USP9X: variants seen among roughly 807,000 people sequenced by gnomAD.
The protein encoded by USP9X is ubiquitin carboxyl-terminal hydrolase 9X.
Under a neutral mutation model 190.3 loss-of-function variants are expected in USP9X, and 7 were observed. The ratio of observed to expected loss-of-function variants is 0.04; its 90% CI spans 0.02 to 0.07. The LOEUF is 0.07. Among genes scored for constraint, USP9X ranks in the 10% least tolerant of loss-of-function variants. The pLI is 1.00. For synonymous variants in USP9X, 645 were observed against 659.5 expected (o/e 0.98, Z 0.34); for missense variants, 1,010 against 1,916.9 (o/e 0.53, Z 8.83).
chrX:41,087,343 C>G (rs949428949), intron 1 of USP9X, among the ~76,000 whole-genome samples: 3 of 111,963 alleles, frequency 2.7e-5, no homozygotes, highest in Admixed American at 9.4e-5. Flanking sequence ...TTAACCCTCT[C>G]GGAGCTGATT....
intron 29 of USP9X, among the ~76,000 whole-genome samples, chrX:41,197,773 G>A (rs184675407): frequency 9.0e-6 from 1 of 110,974 alleles, no homozygotes; most frequent in Non-Finnish European, 1.9e-5. Flanking sequence ...TACTTTGGGA[G>A]GCCGAGTCCA....
At chrX:41,187,441 A>G (rs113897150) in intron 24 of USP9X, among the ~76,000 whole-genome samples, 14,892 of 111,837 alleles carry the variant, frequency 0.13, 899 homozygotes, top group East Asian at 0.22. Flanking sequence ...TTGTTTATCC[A>G]TATACTTGGT....
intron 21 of USP9X, among the ~76,000 whole-genome samples, chrX:41,173,761 A>G: frequency 8.9e-6 from 1 of 112,036 alleles, no homozygotes; most frequent in Middle Eastern, 4.6e-3. Flanking sequence ...GTGGATTGAA[A>G]ATGTTTGGGG....
At chrX:41,214,284 C>G (rs542776918) in intron 33 of USP9X, among the ~76,000 whole-genome samples, 23 of 111,886 alleles carry the variant, frequency 2.1e-4, no homozygotes, top group African/African-American at 6.5e-4. Flanking sequence ...CAGACAGATT[C>G]AACTTTAAAA....
intron 26 of USP9X, among the ~76,000 whole-genome samples, chrX:41,191,936 T>C (rs1314056848): frequency 9.0e-6 from 1 of 111,510 alleles, no homozygotes; most frequent in East Asian, 2.8e-4. Flanking sequence ...GCTCTCTCTC[T>C]CCCTTTCTCA....
intron 1 of USP9X, among the ~76,000 whole-genome samples, chrX:41,099,159 G>T (rs1424717178): frequency 1.2e-5 from 1 of 85,723 alleles, no homozygotes; most frequent in Non-Finnish European, 2.2e-5. Context: ...GCTCAGGCTG[G>T]TCTCGAGCTC....
At chrX:41,122,987 G>A (rs894507747) in intron 1 of USP9X, among the ~76,000 whole-genome samples, 4 of 110,942 alleles carry the variant, frequency 3.6e-5, no homozygotes, top group African/African-American at 6.6e-5. Flanking sequence ...GGGGCTTGGG[G>A]TTTATATGGG....
rs1302825477 is a variant in USP9X at position 41,141,186 on chromosome X, T to C, written c.991T>C (p.Leu331=). Residue 331 remains leucine, a synonymous_variant, in exon 8 of 45, where the codon TTA becomes CTA. Transcript: ENST00000378308. ...AGGACAAGAAGAAACTGTTAAAAACTTAGAAATATTTAGGTTAAAAATGAT... is the reference window on the plus strand; with the variant it reads ...AGGACAAGAAGAAACTGTTAAAAACCTAGAAATATTTAGGTTAAAAATGAT... ...VPGQEETVKN[L]EIFRLKMILR... 5 of 1,189,051 alleles carry C rather than the reference T, an allele frequency of 4.2e-6. No individual in the cohort carries two copies. Among genetic ancestry groups the C allele is most frequent in the Non-Finnish European group, 4.5e-6 (4 of 885,474 alleles).
intron 29 of USP9X, 36 bp from the exon 30 acceptor site, chrX:41,198,492 C>T (rs1182534154): frequency 1.9e-6 from 2 of 1,049,478 alleles, no homozygotes; most frequent in East Asian, 6.2e-5. Context: ...AAATATATAG[C>T]ATTGCTAATA....
intron 1 of USP9X, among the ~76,000 whole-genome samples, chrX:41,107,234 G>T (rs113238705): frequency 1.0e-3 from 112 of 109,379 alleles, no homozygotes; most frequent in African/African-American, 3.6e-3. Context: ...GACCAGGCTG[G>T]TCTCGAACTT....
intron 1 of USP9X, among the ~76,000 whole-genome samples, chrX:41,096,600 C>T (rs141232288): frequency 0.15 from 16,712 of 110,375 alleles, 1,148 homozygotes; most frequent in East Asian, 0.41. Context: ...CCACCACCCA[C>T]GGCGAATTTT....
Position 41,153,063 on chromosome X carries a change from A to T in USP9X, c.1879A>T (p.Met627Leu). Reference protein sequence around the residue: ...AENLATYMESMRLYARDHEDY... With the variant: ...AENLATYMESLRLYARDHEDY... ...AAACCTTGCAACTTACATGGAAAGC[A>T]TGAGACTATATGCTAGAGGTATGTA... Residue 627 changes from methionine to leucine, a missense_variant, in exon 14 of 45, where the codon ATG (methionine) becomes TTG (leucine). Physicochemically the swap from Met to Leu is conservative, Grantham distance 15. This residue lies in a region of USP9X where 104 missense variants were observed against 239.8 expected (regional missense o/e 0.43). Coordinates refer to ENST00000378308, the MANE Select transcript of USP9X (RefSeq NM_001039591.3). 1 of 1,208,993 alleles carries T rather than the reference A, an allele frequency of 8.3e-7. No individual in the cohort carries two copies. Among genetic ancestry groups the T allele is most frequent in the Non-Finnish European group, 1.1e-6 (1 of 894,228 alleles).
intron 10 of USP9X, among the ~76,000 whole-genome samples, chrX:41,143,975 T>G (rs1421633513): frequency 8.9e-6 from 1 of 111,852 alleles, no homozygotes; most frequent in Non-Finnish European, 1.9e-5. Context: ...TTATAAAGCT[T>G]TGTTTTTTTA....
chrX:41,205,333 G>A lies in USP9X; in HGVS notation c.4855G>A (p.Gly1619Arg). Residue 1619 changes from glycine (G) to arginine (R), a missense_variant, in exon 32 of 45, where the codon GGA becomes AGA. Coordinates refer to ENST00000378308, the MANE Select transcript of USP9X (RefSeq NM_001039591.3). The part of the protein sequence containing the change: ...SNVDPRDDVF[G>R]YPQQFEDKPA... ...TGTTGATCCCAGGGATGATGTATTT[G>A]GATATCCTCAACAATTTGAAGATAA... 8.3e-7 allele frequency: 1 copy of A among 1,201,219 alleles called. No homozygotes were observed. Among genetic ancestry groups the A allele is most frequent in the Non-Finnish European group, 1.1e-6 (1 of 891,042 alleles).
At chrX:41,152,456 G>T (rs1219269795) in intron 13 of USP9X, among the ~76,000 whole-genome samples, 1 of 111,355 alleles carries the variant, frequency 9.0e-6, no homozygotes, top group Non-Finnish European at 1.9e-5. Flanking sequence ...CAAAACAGAT[G>T]AGTCTTTGTG....
chrX:41,198,468 C>A, intron 29 of USP9X, 60 bp from the exon 30 acceptor site: 1 of 861,876 alleles, frequency 1.2e-6, no homozygotes, highest in Non-Finnish European at 1.6e-6. Flanking sequence ...TACAAGAGAA[C>A]TTTTTTTTTC....
chrX:41,125,558 T>C (rs1324643110), intron 2 of USP9X, among the ~76,000 whole-genome samples: 1 of 106,395 alleles, frequency 9.4e-6, no homozygotes, highest in African/African-American at 3.4e-5. Context: ...TTATTTCTGA[T>C]ATTTCTGATA....
At chrX:41,148,206 C>T (rs963016037) in intron 11 of USP9X, among the ~76,000 whole-genome samples, 163 bp from the exon 12 acceptor site, 1 of 111,315 alleles carries the variant, frequency 9.0e-6, no homozygotes, top group African/African-American at 3.3e-5. Flanking sequence ...TAACTCTACC[C>T]TATAAAAAAA....
In USP9X at chrX:41,170,481, C is replaced by G; in HGVS notation, c.2889C>G (p.Ala963=). Residue 963 remains alanine (A), a synonymous_variant, in exon 20 of 45, where the codon GCC becomes GCG. Transcript: ENST00000378308. ...TATATAATTTTCAGCTTATTACAGC[C>G]AAACTTACACAGATAAGTTCCAATA... ...LNLKDKSLIT[A]KLTQISSNMP... 8.3e-7 allele frequency: 1 copy of G among 1,208,612 alleles called. No homozygotes were observed. The highest frequency in any genetic ancestry group is 1.1e-6 in the Non-Finnish European group (1 of 893,918).
Sources: allele counts gnomAD v4.1 joint callset (sites outside exome capture counted in the v4.1 genomes callset), GRCh38; gene constraint gnomAD v4.1.1; regional missense constraint gnomAD v4.1.1; transcripts MANE v1.5; gene names NCBI Gene and HGNC (gene_info 2026-07-23, HGNC 2026-07-21).